CSMD3: variants seen among roughly 807,000 people sequenced by gnomAD.
CSMD3 encodes the protein CUB and Sushi multiple domains 3.
In CSMD3, 177 loss-of-function variants were observed where a neutral mutation model predicts 435.2. The observed-to-expected ratio is 0.41, with a 90% CI of 0.36 to 0.46. The LOEUF (loss-of-function observed/expected upper bound fraction) is 0.46. Among genes scored for constraint, CSMD3 ranks in the 20% least tolerant of loss-of-function variants. The pLI is 0.34. For synonymous variants in CSMD3, 1,656 were observed against 1,520.5 expected (o/e 1.09, Z -2.07); for missense variants, 4,265 against 4,504.6 (o/e 0.95, Z 1.52).
chr8:112,345,912 T>C (rs532072770), intron 41 of CSMD3, among the ~76,000 whole-genome samples, 185 bp downstream of exon 41: 2 of 152,198 alleles, frequency 1.3e-5, no homozygotes, highest in South Asian at 2.1e-4. Context: ...GTACTCCAAG[T>C]GAAATGTATT....
intron 2 of CSMD3, among the ~76,000 whole-genome samples, chr8:113,299,636 G>C (rs766473048): frequency 9.2e-5 from 14 of 151,810 alleles, no homozygotes; most frequent in Non-Finnish European, 1.3e-4. Context: ...CCAGTCATCA[G>C]AGAAATGCAA....
intron 38 of CSMD3, among the ~76,000 whole-genome samples, chr8:112,362,082 T>C (rs918007542): frequency 6.6e-6 from 1 of 151,952 alleles, no homozygotes; most frequent in African/African-American, 2.4e-5. Context: ...TTTGTGGTAA[T>C]CAAACGGTGA....
At chr8:113,132,884 T>C (rs553611924) in intron 4 of CSMD3, among the ~76,000 whole-genome samples, 1 of 152,234 alleles carries the variant, frequency 6.6e-6, no homozygotes, top group Non-Finnish European at 1.5e-5. Flanking sequence ...ATGTATCCTG[T>C]GACCTCAGGG....
intron 4 of CSMD3, among the ~76,000 whole-genome samples, chr8:113,128,194 T>C (rs930975656): frequency 6.6e-6 from 1 of 152,054 alleles, no homozygotes; most frequent in Admixed American, 6.6e-5. Context: ...ACTAAGCAGA[T>C]TGAGTACTTT....
At chr8:113,228,652 C>T (rs544228547) in intron 3 of CSMD3, among the ~76,000 whole-genome samples, 1 of 151,606 alleles carries the variant, frequency 6.6e-6, no homozygotes, top group East Asian at 1.9e-4. Context: ...AATCCTCCCA[C>T]CTCCCACATA....
chr8:112,727,217 T>A (rs9918857), intron 13 of CSMD3, among the ~76,000 whole-genome samples: 57,281 of 151,572 alleles, frequency 0.38, 12,161 homozygotes, highest in African/African-American at 0.58. Context: ...TAAGGGAAGT[T>A]TTGATGAGTT....
intron 32 of CSMD3, among the ~76,000 whole-genome samples, chr8:112,428,670 G>A (rs1813336204): frequency 1.3e-5 from 2 of 151,962 alleles, no homozygotes; most frequent in Admixed American, 1.3e-4. Flanking sequence ...TCTTTTCTTG[G>A]TGTTCCATTC....
intron 27 of CSMD3, among the ~76,000 whole-genome samples, chr8:112,544,386 T>TA (rs1239472045): frequency 6.6e-6 from 1 of 152,148 alleles, no homozygotes; most frequent in Non-Finnish European, 1.5e-5. Flanking sequence ...ATCTGATCCA[T>TA]ATTTTGGCAT....
chr8:113,386,254 T>C (rs940683754), intron 1 of CSMD3, among the ~76,000 whole-genome samples: 2 of 151,942 alleles, frequency 1.3e-5, no homozygotes, highest in African/African-American at 4.8e-5. Flanking sequence ...GTGGGGGTAG[T>C]AGATGTCTGT....
chr8:113,422,259 A>T (rs537922974), intron 1 of CSMD3, among the ~76,000 whole-genome samples: 52 of 152,122 alleles, frequency 3.4e-4, no homozygotes, highest in Non-Finnish European at 7.2e-4. Flanking sequence ...ATTGACAGTC[A>T]TTTCAGAGCA....
At chr8:112,557,774 G>A (rs188903441) in intron 24 of CSMD3, among the ~76,000 whole-genome samples, 20 of 151,920 alleles carry the variant, frequency 1.3e-4, no homozygotes, top group African/African-American at 4.8e-4. Context: ...GTAGCTCTTC[G>A]TTTGTATCCT....
At chr8:112,547,887 C>A (rs1252410510) in intron 27 of CSMD3, among the ~76,000 whole-genome samples, 1 of 152,108 alleles carries the variant, frequency 6.6e-6, no homozygotes, top group Non-Finnish European at 1.5e-5. Context: ...CTGGTTCTTA[C>A]TAGACTCTCC....
At chr8:112,280,607 A>T in intron 59 of CSMD3, among the ~76,000 whole-genome samples, 1 of 146,526 alleles carries the variant, frequency 6.8e-6, no homozygotes. Context: ...AATACTATTT[A>T]TTTTATAAAT....
chr8:113,120,587 T>G (rs2090958863), intron 4 of CSMD3, among the ~76,000 whole-genome samples: 1 of 152,190 alleles, frequency 6.6e-6, no homozygotes, highest in Non-Finnish European at 1.5e-5. Flanking sequence ...TTGTGCAAGG[T>G]GTTATTGTAA....
intron 1 of CSMD3, among the ~76,000 whole-genome samples, chr8:113,355,570 C>T (rs1228832887): frequency 6.6e-6 from 1 of 151,568 alleles, no homozygotes; most frequent in Non-Finnish European, 1.5e-5. Context: ...CCCTAACTGT[C>T]TCCCAAAGGC....
intron 11 of CSMD3, among the ~76,000 whole-genome samples, chr8:112,833,701 T>A (rs1385968987): frequency 1.3e-5 from 2 of 151,926 alleles, no homozygotes; most frequent in African/African-American, 4.8e-5. Flanking sequence ...TGTGTGTGTG[T>A]GTGTGTGTGT....
intron 3 of CSMD3, among the ~76,000 whole-genome samples, chr8:113,212,440 T>C (rs2092847692): frequency 6.6e-6 from 1 of 152,190 alleles, no homozygotes; most frequent in African/African-American, 2.4e-5. Context: ...GGTTTCTTAT[T>C]ACCTTACTCT....
chr8:113,098,578 T>C, intron 5 of CSMD3, 178 bp downstream of exon 5: 1 of 596,352 alleles, frequency 1.7e-6, no homozygotes, highest in Non-Finnish European at 3.0e-6. Flanking sequence ...TTCATCTATT[T>C]TTTATGTAAA....
chr8:112,586,725 G>C (rs985934639), intron 23 of CSMD3, among the ~76,000 whole-genome samples: 2 of 150,994 alleles, frequency 1.3e-5, no homozygotes, highest in Non-Finnish European at 3.0e-5. Context: ...CACATTACAT[G>C]ACGGTCATTT....
Sources: allele counts gnomAD v4.1 joint callset (sites outside exome capture counted in the v4.1 genomes callset), GRCh38; gene constraint gnomAD v4.1.1; transcripts MANE v1.5; gene names NCBI Gene and HGNC (gene_info 2026-07-23, HGNC 2026-07-21).